Variants in SKAP1 observed in about 807,000 individuals in gnomAD.
The protein encoded by SKAP1 is src kinase-associated phosphoprotein 1.
Under a neutral mutation model 58.5 loss-of-function variants are expected in SKAP1, and 44 were observed. The ratio of observed to expected loss-of-function variants is 0.75; its 90% CI spans 0.59 to 0.97. The LOEUF (loss-of-function observed/expected upper bound fraction) is 0.97. Ranked by LOEUF, SKAP1 falls within the 50% of genes least tolerant of loss-of-function variation. The pLI is 0.00. For missense variants in SKAP1, 390 were observed against 435.2 expected (o/e 0.90, Z 0.92); for synonymous variants, 127 against 149.7 (o/e 0.85, Z 1.11).
At chr17:48,424,392 A>AT (rs2067832213) in intron 1 of SKAP1, among the ~76,000 whole-genome samples, 1 of 151,082 alleles carries the variant, frequency 6.6e-6, no homozygotes. Flanking sequence ...CGCCCAGCTA[A>AT]TTTTTTGTAT....
chr17:48,327,879 G>A (rs1350577301), intron 4 of SKAP1, among the ~76,000 whole-genome samples: 3 of 152,146 alleles, frequency 2.0e-5, no homozygotes, highest in African/African-American at 4.8e-5. Context: ...TGAGCTGCCC[G>A]TCTTGGCCTC....
At chr17:48,397,795 TA>T (rs1289281031) in intron 1 of SKAP1, among the ~76,000 whole-genome samples, 1 of 152,160 alleles carries the variant, frequency 6.6e-6, no homozygotes, top group East Asian at 1.9e-4. Flanking sequence ...TGTGAACATA[TA>T]TTATAAAATA....
At chr17:48,346,047 G>GCATCCTTATAAAAGGATA (rs749298582) in intron 3 of SKAP1, 41 bp from the exon 4 acceptor site, 32 of 1,262,904 alleles carry the variant, frequency 2.5e-5, no homozygotes, top group African/African-American at 3.0e-5. Flanking sequence ...TAATCTTTGG[G>GCATCCTTATAAAAGGATA]CATCCTTATA....
intron 2 of SKAP1, among the ~76,000 whole-genome samples, chr17:48,364,219 A>G (rs1186494089): frequency 6.6e-6 from 1 of 152,156 alleles, no homozygotes; most frequent in Admixed American, 6.5e-5. Flanking sequence ...CCCAGTTGTT[A>G]TAACAGTCAA....
At chr17:48,213,099 T>G (rs1004447507) in intron 4 of SKAP1, among the ~76,000 whole-genome samples, 2 of 152,112 alleles carry the variant, frequency 1.3e-5, no homozygotes, top group African/African-American at 4.8e-5. Context: ...CCCAGCACTT[T>G]GGGAGGCTGA....
In SKAP1 at chr17:48,418,760, T is replaced by C. The variant is rs1049555639; in HGVS notation, c.46+11315A>G. Among the ~76,000 whole-genome samples the C allele has an allele frequency of 5.3e-5, 8 of 152,338 alleles. No individual in the cohort carries two copies. The East Asian group carries it at 1.3e-3, about 26-fold the overall frequency. On this transcript the variant is annotated intron_variant, in intron 1 of 12. Coordinates refer to ENST00000336915, the MANE Select transcript of SKAP1 (RefSeq NM_003726.4). ...AATATTCACACAATGGAATACTATT[T>C]AGCAAAAAGGAACAAACCAATACAC...
intron 4 of SKAP1, among the ~76,000 whole-genome samples, chr17:48,222,442 G>A (rs2065016436): frequency 6.6e-6 from 1 of 152,010 alleles, no homozygotes; most frequent in Non-Finnish European, 1.5e-5. Context: ...GCTGAAAAAT[G>A]TACATAGCTA....
At chr17:48,411,435 A>AAATAAATG (rs1202143166) in intron 1 of SKAP1, among the ~76,000 whole-genome samples, 4 of 149,690 alleles carry the variant, frequency 2.7e-5, no homozygotes, top group Non-Finnish European at 6.0e-5. Flanking sequence ...ATAAATAAAT[A>AAATAAATG]AATGGGAGAC....
intron 4 of SKAP1, among the ~76,000 whole-genome samples, chr17:48,288,312 G>T (rs1463674688): frequency 1.3e-5 from 2 of 152,032 alleles, no homozygotes; most frequent in African/African-American, 4.8e-5. Context: ...ATATCTTAAG[G>T]GTTTTTTAAG....
chr17:48,318,210 C>G (rs1598560759), intron 4 of SKAP1, among the ~76,000 whole-genome samples: 1 of 152,274 alleles, frequency 6.6e-6, no homozygotes, highest in African/African-American at 2.4e-5. Context: ...GCCATGCTGC[C>G]CTGACAGCAA....
intron 9 of SKAP1, among the ~76,000 whole-genome samples, chr17:48,171,600 T>C (rs2064217536): frequency 1.3e-5 from 2 of 152,220 alleles, no homozygotes; most frequent in Non-Finnish European, 2.9e-5. Context: ...TTGGATTATT[T>C]AGATGTCTAT....
intron 4 of SKAP1, among the ~76,000 whole-genome samples, chr17:48,198,451 T>G (rs2064674216): frequency 7.9e-5 from 2 of 25,426 alleles, no homozygotes; most frequent in South Asian, 5.5e-3. Flanking sequence ...CGAGACTCCG[T>G]CTCAAAAAAA....
chr17:48,171,775 G>C (rs2143380480), intron 9 of SKAP1, among the ~76,000 whole-genome samples: 1 of 148,612 alleles, frequency 6.7e-6, no homozygotes, highest in South Asian at 2.1e-4. Flanking sequence ...ACAACCCTCT[G>C]TGATTGGCTG....
intron 1 of SKAP1, 139 bp from the exon 2 acceptor site, chr17:48,396,924 T>TA: frequency 6.8e-6 from 3 of 440,116 alleles, no homozygotes; most frequent in South Asian, 3.6e-5. Flanking sequence ...ACTTAAAGTA[T>TA]AATAAAAAAA....
intron 1 of SKAP1, among the ~76,000 whole-genome samples, chr17:48,429,149 T>A (rs2067885040): frequency 6.6e-6 from 1 of 152,242 alleles, no homozygotes; most frequent in South Asian, 2.1e-4. Flanking sequence ...GTCAACTATG[T>A]CAACTTAGAT....
intron 11 of SKAP1, among the ~76,000 whole-genome samples, chr17:48,158,923 T>C (rs983841340): frequency 8.7e-5 from 13 of 149,756 alleles, no homozygotes; most frequent in Admixed American, 8.0e-4. Flanking sequence ...ATCGCGCCAC[T>C]GCACTCCAGC....
intron 4 of SKAP1, among the ~76,000 whole-genome samples, chr17:48,281,243 C>T (rs2065763068): frequency 6.6e-6 from 1 of 152,134 alleles, no homozygotes; most frequent in Admixed American, 6.5e-5. Flanking sequence ...CCAGGATGGT[C>T]TTGATCTCCT....
At chr17:48,395,504 TA>T (rs1291987302) in intron 2 of SKAP1, among the ~76,000 whole-genome samples, 1 of 151,860 alleles carries the variant, frequency 6.6e-6, no homozygotes, top group Non-Finnish European at 1.5e-5. Flanking sequence ...CTTGTGAAAT[TA>T]AAAAAAACTA....
intron 4 of SKAP1, among the ~76,000 whole-genome samples, chr17:48,289,587 T>C (rs558264201): frequency 5.8e-4 from 88 of 152,260 alleles, no homozygotes; most frequent in African/African-American, 1.9e-3. Flanking sequence ...CTCTGTTAGC[T>C]TTCATAAAAT....
Sources: allele counts gnomAD v4.1 joint callset (sites outside exome capture counted in the v4.1 genomes callset), GRCh38; gene constraint gnomAD v4.1.1; transcripts MANE v1.5; gene names NCBI Gene and HGNC (gene_info 2026-07-23, HGNC 2026-07-21).